The following CPD variants were observed in gnomAD, a reference collection of about 807,000 sequenced individuals.
CPD encodes the protein metallocarboxypeptidase D.
A neutral mutation model predicts 138.3 loss-of-function variants in CPD; 69 were observed. The ratio of observed to expected loss-of-function variants is 0.50; its 90% CI spans 0.41 to 0.61. The LOEUF is 0.61. Among genes scored for constraint, CPD ranks in the 20% least tolerant of loss-of-function variants. The pLI is 0.00. For synonymous variants in CPD, 651 were observed against 642.1 expected, an observed-to-expected ratio of 1.01 and a Z score of -0.21; for missense variants, 1,432 against 1,733.3, an observed-to-expected ratio of 0.83 and a Z score of 3.09.
intron 2 of CPD, among the ~76,000 whole-genome samples, chr17:30,403,972 C>T (rs1911740352): frequency 6.6e-6 from 1 of 151,970 alleles, no homozygotes; most frequent in Non-Finnish European, 1.5e-5. Context: ...AGATGAGTCT[C>T]AAAAGCATTA....
At chr17:30,413,106 G>T (rs1018265353) in intron 2 of CPD, among the ~76,000 whole-genome samples, 1 of 152,096 alleles carries the variant, frequency 6.6e-6, no homozygotes, top group African/African-American at 2.4e-5. Flanking sequence ...TATATCTGTT[G>T]TTTATAATTC....
chr17:30,421,934 G>T, intron 4 of CPD, 101 bp downstream of exon 4: 4 of 926,524 alleles, frequency 4.3e-6, no homozygotes, highest in East Asian at 2.6e-5. Flanking sequence ...ATTTTTTGTG[G>T]CTTTTATTTT....
chr17:30,431,922 C>G lies in CPD; in HGVS notation c.2127+41C>G, dbSNP rs746496191. 4 of 1,339,288 alleles carry G rather than the reference C, an allele frequency of 3.0e-6. No individual in the cohort carries two copies. In the East Asian group the frequency reaches 9.7e-5, roughly 33 times the overall value. The allele number at this position is 1,339,288 out of a possible 1,614,324, so 83.0% of individuals were successfully genotyped here. A position where few individuals can be genotyped will look rare whatever the true frequency, so the allele number is the denominator to read the frequency against. On this transcript the variant is annotated intron_variant, in intron 8 of 20. Coordinates refer to ENST00000225719, the MANE Select transcript of CPD (RefSeq NM_001304.5). ...AATATAAAATGTTACAAAATTAATT[C>G]TTTTATTTAAAAATATGCTTTAAAG...
intron 2 of CPD, among the ~76,000 whole-genome samples, chr17:30,419,528 A>G (rs994553997): frequency 4.6e-5 from 7 of 152,150 alleles, no homozygotes; most frequent in African/African-American, 1.4e-4. Flanking sequence ...TTTAGTAGAG[A>G]CAGGGTTTCA....
chr17:30,413,010 C>T (rs538044448), intron 2 of CPD, among the ~76,000 whole-genome samples: 6 of 152,212 alleles, frequency 3.9e-5, no homozygotes, highest in African/African-American at 1.2e-4. Context: ...TGTTCCTATT[C>T]GGCCATCTTG....
intron 14 of CPD, chr17:30,455,049 T>C: frequency 4.9e-6 from 1 of 202,452 alleles, no homozygotes; most frequent in South Asian, 1.1e-4. Flanking sequence ...CTAAATTATT[T>C]TGTAAAGCTG....
chr17:30,420,778 C>G, intron 2 of CPD, 63 bp from the exon 3 acceptor site: 1 of 1,420,412 alleles, frequency 7.0e-7, no homozygotes, highest in Non-Finnish European at 9.6e-7. Flanking sequence ...TTAATTTCTT[C>G]AGTCTTTTGG....
intron 2 of CPD, among the ~76,000 whole-genome samples, chr17:30,392,198 C>T (rs937441622): frequency 4.0e-5 from 6 of 151,798 alleles, no homozygotes; most frequent in Non-Finnish European, 7.4e-5. Context: ...TTAGTAGAGA[C>T]GGGGTTTCAC....
At chr17:30,402,192 TTTCTGAAA>T (rs1416163397) in intron 2 of CPD, among the ~76,000 whole-genome samples, 1 of 152,210 alleles carries the variant, frequency 6.6e-6, no homozygotes, top group Non-Finnish European at 1.5e-5. Flanking sequence ...TTACTGTATT[TTTCTGAAA>T]TTCTGAAATT....
intron 10 of CPD, among the ~76,000 whole-genome samples, chr17:30,443,129 G>T (rs939128104): frequency 6.6e-6 from 1 of 151,732 alleles, no homozygotes; most frequent in African/African-American, 2.4e-5. Context: ...TGTTATATTT[G>T]CTTTATTTTA....
rs112620868 is a variant in CPD, at chr17:30,460,032, C to G, written c.3499-1148C>G. Among the ~76,000 whole-genome samples, 285 of 152,270 alleles carry G rather than the reference C, an allele frequency of 1.9e-3. 1 individual carries two copies. Among genetic ancestry groups the G allele is most frequent in the Admixed American group, 3.4e-3 (52 of 15,294 alleles). ...CCTATTGTACGAATTAACTGTGTTA[C>G]ATAATTAATTGATTTGATCTGGAAG... On this transcript the variant is annotated intron_variant, in intron 17 of 20. Transcript: ENST00000225719.
intron 6 of CPD, among the ~76,000 whole-genome samples, chr17:30,426,536 G>A (rs1912412856): frequency 6.6e-6 from 1 of 152,220 alleles, no homozygotes; most frequent in African/African-American, 2.4e-5. Flanking sequence ...ACTGGTCCAG[G>A]TGACGTCAGC....
At chr17:30,462,298 C>A in intron 19 of CPD, 72 bp from the exon 20 acceptor site, 1 of 1,243,384 alleles carries the variant, frequency 8.0e-7, no homozygotes, top group Non-Finnish European at 1.2e-6. Flanking sequence ...CTATATGGGG[C>A]CTAATAATAT....
At chr17:30,421,192 C>G (rs750469221) in intron 3 of CPD, among the ~76,000 whole-genome samples, 4 of 152,152 alleles carry the variant, frequency 2.6e-5, no homozygotes, top group Non-Finnish European at 5.9e-5. Context: ...ACCCCCAGCT[C>G]TCTGCTCCAT....
chr17:30,460,921 C>A (rs1488663960), intron 17 of CPD, among the ~76,000 whole-genome samples: 2 of 152,184 alleles, frequency 1.3e-5, no homozygotes, highest in African/African-American at 2.4e-5. Context: ...ATCTACCTGG[C>A]ACTACCAGGC....
intron 2 of CPD, among the ~76,000 whole-genome samples, chr17:30,398,592 A>AG (rs1392220101): frequency 6.6e-6 from 1 of 152,102 alleles, no homozygotes; most frequent in Non-Finnish European, 1.5e-5. Context: ...AGCTTTGGGT[A>AG]AGTAGGTTTT....
rs1913735945 is a variant in CPD at position 30,469,723 on chromosome 17, A to G, written c.*4909A>G. 1.3e-5 allele frequency: 2 copies of G among 152,190 alleles called. No individual in the cohort carries two copies. Among genetic ancestry groups the G allele is most frequent in the Non-Finnish European group, 2.9e-5 (2 of 68,010 alleles). The allele number at this position is 152,190 out of a possible 1,614,324, so 9.4% of individuals were successfully genotyped here. A position where few individuals can be genotyped will look rare whatever the true frequency, so the allele number is the denominator to read the frequency against. Reference sequence around the variant, plus strand: ...TTTTAATTATGCCAAGATGCTTCATATTTGTTTTTAAATGAAATTAAGTTG... The same window carrying G: ...TTTTAATTATGCCAAGATGCTTCATGTTTGTTTTTAAATGAAATTAAGTTG... On this transcript the variant is annotated 3_prime_UTR_variant, in exon 21 of 21. Transcript: ENST00000225719.
At position 30,468,660 on chromosome 17, in the gene CPD, G is replaced by A. The variant is rs1597742593; in HGVS notation, c.*3846G>A. 6.6e-6 allele frequency: 1 copy of A among 152,554 alleles called. No homozygotes were observed. Among genetic ancestry groups the A allele is most frequent in the East Asian group, 1.9e-4 (1 of 5,198 alleles). 9.5% of individuals were successfully genotyped at this position (152,554 alleles called of 1,614,324 possible). On this transcript the variant is annotated 3_prime_UTR_variant, in exon 21 of 21. Transcript: ENST00000225719. ...ATATGTAAACAGATCTACTAATCCT[G>A]TATAAAAGTTATTTTACGATGTTTG...
chr17:30,450,918 A>G (rs536328029), intron 13 of CPD, among the ~76,000 whole-genome samples: 2 of 152,326 alleles, frequency 1.3e-5, no homozygotes, highest in Admixed American at 6.5e-5. Context: ...TAAGCATCCT[A>G]GTTGTACGTT....
Sources: gnomAD v4.1 joint callset for allele counts (sites outside exome capture counted in the v4.1 genomes callset) on GRCh38, gnomAD v4.1.1 for gene constraint, MANE v1.5 for transcripts, NCBI Gene and HGNC (gene_info 2026-07-23, HGNC 2026-07-21) for gene names.